The following ABLIM2 variants were observed in gnomAD, a reference collection of about 807,000 sequenced individuals.
ABLIM2 encodes the protein actin binding LIM protein family member 2, also known as actin-binding LIM protein 2.
A neutral mutation model predicts 97.7 loss-of-function variants in ABLIM2; 53 were observed. The observed-to-expected ratio is 0.54, with a 90% CI of 0.44 to 0.68. The LOEUF (loss-of-function observed/expected upper bound fraction) is 0.68, where lower values mean the gene tolerates loss of function less well. Among genes scored for constraint, ABLIM2 ranks in the 30% least tolerant of loss-of-function variants. ABLIM2 has a pLI of 0.00. For missense variants in ABLIM2, 835 were observed against 867.2 expected, an observed-to-expected ratio of 0.96 and a Z score of 0.47; for synonymous variants, 361 against 345.8, an observed-to-expected ratio of 1.04 and a Z score of -0.49.
At position 7,986,588 on chromosome 4, in the gene ABLIM2, A is replaced by G. The variant is rs776944017; in HGVS notation, c.1681-1695T>C. 5.9e-5 allele frequency among the ~76,000 whole-genome samples: 9 copies of G among 152,106 alleles called. No homozygotes were observed. The highest frequency in any genetic ancestry group is 1.3e-4 in the Non-Finnish European group (9 of 68,032). On this transcript the variant is annotated intron_variant, in intron 17 of 20. Transcript: ENST00000447017. The surrounding 1 kb of genome is among the most constrained non-coding windows in gnomAD (Gnocchi z 4.3). ...CTTTAGTGCCTTGCTCCCTCACTCT[A>G]GTTCTGGGCCTGGACCCTGAGCCAG... is the stretch of plus-strand genomic sequence containing the variant.
intron 1 of ABLIM2, among the ~76,000 whole-genome samples, chr4:8,154,345 G>A (rs1211633371): frequency 4.9e-5 from 7 of 143,166 alleles, no homozygotes; most frequent in East Asian, 2.0e-4. Context: ...ATAGTGGCAC[G>A]ATCTCAGCTC....
In ABLIM2 at chr4:8,069,035, G is replaced by C. The variant is rs746429110; in HGVS notation, c.676-7981C>G. 7.2e-5 allele frequency among the ~76,000 whole-genome samples: 11 copies of C among 152,236 alleles called. No individual in the cohort carries two copies. Among genetic ancestry groups the C allele is most frequent in the Non-Finnish European group, 1.2e-4 (8 of 68,036 alleles). On this transcript the variant is annotated intron_variant, in intron 6 of 20. Coordinates refer to ENST00000447017, the MANE Select transcript of ABLIM2 (RefSeq NM_001130083.2). The surrounding 1 kb of genome is among the most constrained non-coding windows in gnomAD (Gnocchi z 4.2). Reference sequence around the variant, plus strand: ...AGCAGTGCCCAGCAAGGCCCCTTGAGATCTGGGCCCTCCCCAGACCTTCCA... The same window carrying C: ...AGCAGTGCCCAGCAAGGCCCCTTGACATCTGGGCCCTCCCCAGACCTTCCA...
intron 16 of ABLIM2, among the ~76,000 whole-genome samples, chr4:7,995,827 C>T (rs559452347): frequency 2.0e-5 from 3 of 152,250 alleles, no homozygotes; most frequent in South Asian, 2.1e-4. Flanking sequence ...GCCAGACCTT[C>T]GGGCTATTCC....
intron 1 of ABLIM2, among the ~76,000 whole-genome samples, chr4:8,146,119 G>A (rs561305625): frequency 6.2e-4 from 95 of 152,166 alleles, no homozygotes; most frequent in Non-Finnish European, 1.1e-3. Flanking sequence ...TGTATTCTTC[G>A]TCTACCACCA....
In ABLIM2 at chr4:8,128,325, G is replaced by T. The variant is rs546380329; in HGVS notation, c.11-21688C>A. Among the ~76,000 whole-genome samples, 26 of 152,252 alleles carry T rather than the reference G, an allele frequency of 1.7e-4. No homozygotes were observed. Among genetic ancestry groups the T allele is most frequent in the Non-Finnish European group, 5.9e-5 (4 of 68,024 alleles). On this transcript the variant is annotated intron_variant, in intron 1 of 20. Transcript: ENST00000447017. The surrounding 1 kb of genome is among the most constrained non-coding windows in gnomAD (Gnocchi z 4.9). ...ACACCCAAACAAGGTCACATTCAGA[G>T]CTTCCAGGTGGGTGGGGCCACAAGA...
At chr4:8,011,390 G>C (rs1475916079) in intron 14 of ABLIM2, among the ~76,000 whole-genome samples, 1 of 152,222 alleles carries the variant, frequency 6.6e-6, no homozygotes, top group Non-Finnish European at 1.5e-5. Flanking sequence ...AGATGACCGA[G>C]TCTCTTGAGA....
intron 8 of ABLIM2, among the ~76,000 whole-genome samples, chr4:8,048,242 C>A (rs1219990038): frequency 4.6e-5 from 7 of 152,210 alleles, no homozygotes; most frequent in African/African-American, 1.7e-4. Context: ...TGACTTTCTC[C>A]CTACCCAACT....
chr4:7,973,763 C>G (rs565037440), intron 20 of ABLIM2, among the ~76,000 whole-genome samples: 1 of 152,338 alleles, frequency 6.6e-6, no homozygotes, highest in East Asian at 1.9e-4. Context: ...CCGGGAGGGC[C>G]TCAGGCCAGA....
At chr4:8,126,462 CT>C (rs1288440451) in intron 1 of ABLIM2, among the ~76,000 whole-genome samples, 3 of 151,338 alleles carry the variant, frequency 2.0e-5, no homozygotes, top group Admixed American at 6.6e-5. Context: ...CTCACTCCCC[CT>C]GCCTCCCTTT....
At chr4:7,982,798 G>A (rs1302919710) in intron 20 of ABLIM2, among the ~76,000 whole-genome samples, 1 of 152,006 alleles carries the variant, frequency 6.6e-6, no homozygotes, top group African/African-American at 2.4e-5. Context: ...CTGCCTCCCG[G>A]GTTCAAGTGA....
Position 8,095,050 on chromosome 4 carries a change from TTCTTTCTTTC to T in ABLIM2, c.338+2039_338+2048del, listed in dbSNP as rs1180520308. ...CCCACTTCTTTCCTTCCTTCCTTCTTTCTTTCTTTCTCTTTCTTTCTTTCTCTCTCTCTCT... is the reference window on the plus strand; with the variant it reads ...CCCACTTCTTTCCTTCCTTCCTTCTTTCTTTCTTTCTTTCTCTCTCTCTCT... On this transcript the variant is annotated intron_variant, in intron 3 of 20. Coordinates refer to ENST00000447017, the MANE Select transcript of ABLIM2 (RefSeq NM_001130083.2). This position sits in a 1 kb window ranked among gnomAD's most constrained non-coding sequence, Gnocchi z 4.7. Among the ~76,000 whole-genome samples the T allele has an allele frequency of 1.2e-5, 1 of 84,574 alleles. No individual in the cohort carries two copies. Among genetic ancestry groups the T allele is most frequent in the African/African-American group, 3.5e-5 (1 of 28,404 alleles). The allele number at this position is 84,574 out of a possible 152,430, so 55.5% of individuals were successfully genotyped here. A position where few individuals can be genotyped will look rare whatever the true frequency, so the allele number is the denominator to read the frequency against.
chr4:7,970,971 C>T lies in ABLIM2; in HGVS notation c.1825-3868G>A, dbSNP rs909341407. On this transcript the variant is annotated intron_variant, in intron 20 of 20. Transcript: ENST00000447017. The surrounding 1 kb of genome is among the most constrained non-coding windows in gnomAD (Gnocchi z 5.3). ...CTCCAGTCCTGTTTTCTGTCTGCAGCGTGAGAGAACTTGGTTGCCTGGGTA... is the reference window on the plus strand; with the variant it reads ...CTCCAGTCCTGTTTTCTGTCTGCAGTGTGAGAGAACTTGGTTGCCTGGGTA... Among the ~76,000 whole-genome samples the T allele has an allele frequency of 3.9e-5, 6 of 152,034 alleles. No homozygotes were observed. Among genetic ancestry groups the T allele is most frequent in the African/African-American group, 1.4e-4 (6 of 41,396 alleles).
intron 1 of ABLIM2, among the ~76,000 whole-genome samples, chr4:8,119,414 G>A (rs1578231821): frequency 1.4e-5 from 2 of 142,668 alleles, no homozygotes; most frequent in Non-Finnish European, 3.0e-5. Flanking sequence ...TGCAACCTCC[G>A]CTTCATGGGT....
rs1481266812 is a variant in ABLIM2 at position 8,075,035 on chromosome 4, C to A, written c.675+2593G>T. On this transcript the variant is annotated intron_variant, in intron 6 of 20. Transcript: ENST00000447017. This position sits in a 1 kb window ranked among gnomAD's most constrained non-coding sequence, Gnocchi z 4.4. ...TCCTGACCTCGTGATCCGCCTGCCT[C>A]AGCCTCCCAAAGTGCTGGGATTACA... 6.6e-6 allele frequency among the ~76,000 whole-genome samples: 1 copy of A among 152,174 alleles called. No homozygotes were observed. The highest frequency in any genetic ancestry group is 1.5e-5 in the Non-Finnish European group (1 of 68,024).
In ABLIM2 at chr4:7,965,501, G is replaced by A. The variant is rs960142388; in HGVS notation, c.*1489C>T. On this transcript the variant is annotated 3_prime_UTR_variant, in exon 21 of 21. Transcript: ENST00000447017. The stretch of plus-strand genomic sequence containing the variant: ...GCTGGGCGGGTGAGAAGCCGAGTGC[G>A]AAACGGGACTTGGCGTGTCATGGGC... 2.6e-5 allele frequency: 4 copies of A among 152,556 alleles called. No individual in the cohort carries two copies. Among genetic ancestry groups the A allele is most frequent in the Non-Finnish European group, 4.4e-5 (3 of 68,028 alleles). 9.5% of individuals were successfully genotyped at this position (152,556 alleles called of 1,614,324 possible).
In ABLIM2 at chr4:8,128,467, T is replaced by C. The variant is rs6447850; in HGVS notation, c.11-21830A>G. The stretch of plus-strand genomic sequence containing the variant: ...AGGCCCCTGCATACCGAAACATGGC[T>C]AGCACCACGCAGAACAGAGTTTTAG... On this transcript the variant is annotated intron_variant, in intron 1 of 20. Transcript: ENST00000447017. This position sits in a 1 kb window ranked among gnomAD's most constrained non-coding sequence, Gnocchi z 4.9. 0.25 allele frequency among the ~76,000 whole-genome samples: 38,509 copies of C among 152,188 alleles called. 7,690 individuals carry two copies. Among genetic ancestry groups the C allele is most frequent in the African/African-American group, 0.56 (23,223 of 41,472 alleles).
chr4:8,013,219 C>CTTTTTT (rs60424207), intron 14 of ABLIM2, among the ~76,000 whole-genome samples: 8 of 110,614 alleles, frequency 7.2e-5, no homozygotes, highest in African/African-American at 7.1e-5. Flanking sequence ...AACATTTTTC[C>CTTTTTT]TTTTTTTTTT....
rs200432322 is a variant in ABLIM2, at chr4:8,095,018, CTCT to C, written c.338+2078_338+2080del. Among the ~76,000 whole-genome samples, 97 of 147,374 alleles carry C rather than the reference CTCT, an allele frequency of 6.6e-4. No individual in the cohort carries two copies. The East Asian group carries it at 0.017, about 26-fold the overall frequency. On this transcript the variant is annotated intron_variant, in intron 3 of 20. Transcript: ENST00000447017. This position sits in a 1 kb window ranked among gnomAD's most constrained non-coding sequence, Gnocchi z 4.7. ...TTCCTTTTTCTTTCTTTCTCTCTCT[CTCT>C]CCCCCCACTTCTTTCCTTCCTTCCT...
intron 1 of ABLIM2, among the ~76,000 whole-genome samples, chr4:8,121,167 C>G (rs886259725): frequency 1.3e-5 from 2 of 152,218 alleles, no homozygotes; most frequent in Non-Finnish European, 2.9e-5. Context: ...GACACTGATC[C>G]TACCCAAGGC....
Sources: allele counts gnomAD v4.1 joint callset (sites outside exome capture counted in the v4.1 genomes callset), GRCh38; gene constraint gnomAD v4.1.1; non-coding constraint Gnocchi (gnomAD v3.1); transcripts MANE v1.5; gene names NCBI Gene and HGNC (gene_info 2026-07-23, HGNC 2026-07-21).